The following PLCB4 variants were observed in gnomAD, a reference collection of about 807,000 sequenced individuals.
PLCB4 encodes the protein phospholipase C beta 4.
Under a neutral mutation model 178.8 loss-of-function variants are expected in PLCB4, and 77 were observed. The ratio of observed to expected loss-of-function variants is 0.43; its 90% confidence interval spans 0.36 to 0.52. The LOEUF is 0.52. Ranked by LOEUF, PLCB4 falls within the 20% of genes least tolerant of loss-of-function variation. The pLI is 0.00. For missense variants in PLCB4, 1,024 were observed against 1,453.4 expected (o/e 0.70, Z 4.80); for synonymous variants, 496 against 490.8 (o/e 1.01, Z -0.14).
intron 30 of PLCB4, 145 bp from the exon 31 acceptor site, chr20:9,443,836 A>C (rs2042247919): frequency 1.8e-6 from 1 of 562,378 alleles, no homozygotes; most frequent in African/African-American, 1.9e-5. Flanking sequence ...TTGCTTTGTA[A>C]TAGGAACTTA....
chr20:9,386,931 T>C (rs1318367991), intron 14 of PLCB4, among the ~76,000 whole-genome samples: 1 of 150,906 alleles, frequency 6.6e-6, no homozygotes, highest in African/African-American at 2.4e-5. Context: ...CTTACTTTGT[T>C]GCCCAGGCTG....
intron 33 of PLCB4, among the ~76,000 whole-genome samples, chr20:9,453,925 T>C (rs991642590): frequency 2.0e-5 from 3 of 152,190 alleles, no homozygotes; most frequent in Admixed American, 6.5e-5. Context: ...AACCAGGAAA[T>C]TGACAGTGGT....
At chr20:9,347,917 T>C (rs2033963110) in intron 7 of PLCB4, among the ~76,000 whole-genome samples, 1 of 152,204 alleles carries the variant, frequency 6.6e-6, no homozygotes. Context: ...GAGGTTGTAG[T>C]GAGCCAAGAT....
intron 2 of PLCB4, among the ~76,000 whole-genome samples, chr20:9,131,677 G>A (rs2092276353): frequency 1.3e-5 from 2 of 152,182 alleles, no homozygotes; most frequent in African/African-American, 2.4e-5. Flanking sequence ...AGGAAATCCT[G>A]TTCCAACCAT....
chr20:9,082,260 G>A (rs1468958244), intron 1 of PLCB4, among the ~76,000 whole-genome samples: 1 of 152,118 alleles, frequency 6.6e-6, no homozygotes, highest in Non-Finnish European at 1.5e-5. Flanking sequence ...TGACCTGCAA[G>A]TACATCAGTG....
At chr20:9,339,762 G>T (rs924336449) in intron 7 of PLCB4, among the ~76,000 whole-genome samples, 4 of 152,088 alleles carry the variant, frequency 2.6e-5, no homozygotes, top group Admixed American at 6.6e-5. Context: ...GGTCTGGATG[G>T]TTAAGAAATC....
intron 3 of PLCB4, among the ~76,000 whole-genome samples, chr20:9,301,648 T>C (rs986413918): frequency 5.3e-5 from 8 of 152,156 alleles, no homozygotes; most frequent in African/African-American, 1.7e-4. Context: ...GCACATGTCC[T>C]ACTTGAATAT....
chr20:9,090,421 T>G (rs957734476), intron 1 of PLCB4, among the ~76,000 whole-genome samples: 6 of 151,598 alleles, frequency 4.0e-5, no homozygotes, highest in Non-Finnish European at 8.8e-5. Flanking sequence ...GATAACTAAC[T>G]AATAGAAAGG....
rs765883187 is a variant in PLCB4 at position 9,421,358 on chromosome 20, A to G, written c.2216A>G (p.Tyr739Cys). 6 of 1,613,634 alleles carry G rather than the reference A, an allele frequency of 3.7e-6. No individual in the cohort carries two copies. The highest frequency in any genetic ancestry group is 5.1e-6 in the Non-Finnish European group (6 of 1,179,568). The stretch of plus-strand genomic sequence containing the variant: ...GGCACCTACGTAGAGGTGGATATGT[A>G]TGGGTTGCCCACTGACACCATACGT... ...KIGTYVEVDM[Y>C]GLPTDTIRKE... The change falls in exon 27 of 40, where the codon TAT becomes TGT. Residue 739 changes from tyrosine to cysteine, a missense_variant. Transcript: ENST00000378473.
At chr20:9,124,277 G>A (rs1236033873) in intron 2 of PLCB4, among the ~76,000 whole-genome samples, 19 of 152,096 alleles carry the variant, frequency 1.2e-4, no homozygotes, top group Admixed American at 1.2e-3. Context: ...AGACTGAAGT[G>A]GGAGGATTGC....
intron 1 of PLCB4, among the ~76,000 whole-genome samples, chr20:9,095,128 G>T (rs1168340897): frequency 4.6e-5 from 7 of 152,200 alleles, no homozygotes; most frequent in East Asian, 1.9e-4. Flanking sequence ...ACTCATTTTG[G>T]CTATTTGCAG....
At chr20:9,253,513 C>A (rs1167266882) in intron 3 of PLCB4, among the ~76,000 whole-genome samples, 1 of 152,168 alleles carries the variant, frequency 6.6e-6, no homozygotes, top group Non-Finnish European at 1.5e-5. Context: ...AAATGGGTTT[C>A]CCTTCCCTGT....
At chr20:9,456,392 TG>T (rs1163997223) in intron 33 of PLCB4, among the ~76,000 whole-genome samples, 1 of 152,078 alleles carries the variant, frequency 6.6e-6, no homozygotes, top group East Asian at 1.9e-4. Flanking sequence ...AAAAGATGAA[TG>T]GGGGAACAAG....
rs774949554 is a variant in PLCB4, at chr20:9,406,008, A to G, written c.1647+660A>G. On this transcript the variant is annotated intron_variant, in intron 21 of 39. Coordinates refer to ENST00000378473, the MANE Select transcript of PLCB4 (RefSeq NM_001377142.1). ...ACCCTCTAAATATTAAACTTGAAAG[A>G]ATTATGAATAAATATGGTCGCAGGC... Among the ~76,000 whole-genome samples the G allele has an allele frequency of 4.9e-4, 74 of 152,222 alleles. 1 individual carries two copies. The highest frequency in any genetic ancestry group is 1.0e-4 in the Non-Finnish European group (7 of 68,048).
At chr20:9,444,770 A>G (rs1034841720) in intron 32 of PLCB4, among the ~76,000 whole-genome samples, 1 of 152,154 alleles carries the variant, frequency 6.6e-6, no homozygotes, top group East Asian at 1.9e-4. Context: ...TCAAAAAAAA[A>G]GAAAAATTAT....
At chr20:9,165,656 C>T (rs1309691687) in intron 2 of PLCB4, among the ~76,000 whole-genome samples, 1 of 152,146 alleles carries the variant, frequency 6.6e-6, no homozygotes, top group Non-Finnish European at 1.5e-5. Flanking sequence ...ATTCTACTTA[C>T]ATTAGTGTGG....
At chr20:9,145,330 A>AT in intron 2 of PLCB4, among the ~76,000 whole-genome samples, 1 of 152,278 alleles carries the variant, frequency 6.6e-6, no homozygotes, top group Admixed American at 6.5e-5. Context: ...TCTCTAAAAA[A>AT]TAAAAGATGC....
chr20:9,457,237 CAG>C (rs997290186), intron 33 of PLCB4, among the ~76,000 whole-genome samples, 175 bp from the exon 34 acceptor site: 8 of 152,136 alleles, frequency 5.3e-5, no homozygotes, highest in Non-Finnish European at 8.8e-5. Flanking sequence ...AATCATGAAA[CAG>C]ATAATATTTT....
chr20:9,211,475 A>G (rs919270650), intron 2 of PLCB4, among the ~76,000 whole-genome samples: 2 of 152,208 alleles, frequency 1.3e-5, no homozygotes, highest in African/African-American at 4.8e-5. Context: ...CAGAATGTGC[A>G]TTTTAACCAG....
Sources: allele counts gnomAD v4.1 joint callset (sites outside exome capture counted in the v4.1 genomes callset), GRCh38; gene constraint gnomAD v4.1.1; transcripts MANE v1.5; gene names NCBI Gene and HGNC (gene_info 2026-07-23, HGNC 2026-07-21).